CCDC27: variants seen among roughly 807,000 people sequenced by gnomAD.
The protein encoded by CCDC27 is coiled-coil domain-containing protein 27.
Under a neutral mutation model 80.3 loss-of-function variants are expected in CCDC27, and 80 were observed. The observed-to-expected ratio is 1.00, with a 90% CI of 0.83 to 1.20. The LOEUF (loss-of-function observed/expected upper bound fraction) is 1.20. CCDC27 is among the 50% of genes most tolerant of loss of function. The pLI, the probability that CCDC27 is intolerant of heterozygous loss-of-function variation, is 0.00. For missense variants in CCDC27, 815 were observed against 809.4 expected, an observed-to-expected ratio of 1.01 and a Z score of -0.08; for synonymous variants, 342 against 334.3, an observed-to-expected ratio of 1.02 and a Z score of -0.25.
Position 3,761,233 on chromosome 1 carries a change from G to A in CCDC27, c.712-48G>A. The A allele has an allele frequency of 6.3e-7, 1 of 1,599,334 alleles. No individual in the cohort carries two copies. The stretch of plus-strand genomic sequence containing the variant: ...GGGCTGGAGGCAGGTCAGGGGAAGA[G>A]TGTGTGGCTGCATGGCCCACGGGGG... On this transcript the variant is annotated intron_variant, in intron 4 of 11. Transcript: ENST00000294600. The surrounding 1 kb of genome is among the most constrained non-coding windows in gnomAD (Gnocchi z 5.0).
intron 4 of CCDC27, 82 bp downstream of exon 4, chr1:3,756,972 G>C: frequency 6.7e-7 from 1 of 1,485,148 alleles, no homozygotes; most frequent in South Asian, 1.3e-5. Flanking sequence ...CTCCCTGACA[G>C]GCTCTGGTTC....
Position 3,769,987 on chromosome 1 carries a change from C to G in CCDC27, c.1848+100C>G. On this transcript the variant is annotated intron_variant, in intron 11 of 11. Transcript: ENST00000294600. This position sits in a 1 kb window ranked among gnomAD's most constrained non-coding sequence, Gnocchi z 4.6. ...GGGCCTAGATTCCAGGGACTCTGTT[C>G]TCATCCTACCTGTGTCACCTATTCA... 1 of 819,300 alleles carries G rather than the reference C, an allele frequency of 1.2e-6. No homozygotes were observed. Among genetic ancestry groups the G allele is most frequent in the South Asian group, 1.4e-5 (1 of 72,410 alleles). 50.8% of individuals were successfully genotyped at this position (819,300 alleles called of 1,614,324 possible).
Position 3,762,688 on chromosome 1 carries a change from G to C in CCDC27, c.930G>C (p.Glu310Asp). The C allele has an allele frequency of 3.9e-6, 6 of 1,549,524 alleles. No homozygotes were observed. Among genetic ancestry groups the C allele is most frequent in the Non-Finnish European group, 5.2e-6 (6 of 1,146,710 alleles). The change falls in exon 6 of 12, where the codon GAG becomes GAC. Residue 310 changes from glutamate (E) to aspartate (D), a missense_variant. Glu to Asp is a conservative substitution (Grantham distance 45). Coordinates refer to ENST00000294600, the MANE Select transcript of CCDC27 (RefSeq NM_152492.3). ...TCCTGAAGGCCTTCTCCAGACATGA[G>C]GAGGAGCTGCAGCACTGGTGGCAGG... ...LSLLKAFSRH[E>D]EELQHWWQMQ...
At chr1:3,765,065 G>A (rs1454039578) in intron 8 of CCDC27, among the ~76,000 whole-genome samples, 2 of 151,464 alleles carry the variant, frequency 1.3e-5, no homozygotes, top group African/African-American at 4.9e-5. Context: ...ATGAACAGGG[G>A]TAAAGTTTTG....
At chr1:3,765,627 C>T (rs1643209683) in intron 8 of CCDC27, among the ~76,000 whole-genome samples, 1 of 152,124 alleles carries the variant, frequency 6.6e-6, no homozygotes, top group Non-Finnish European at 1.5e-5. Context: ...TCTTGTTTGG[C>T]TTCACAATTG....
At chr1:3,755,212 CG>C (rs1312089870) in intron 2 of CCDC27, among the ~76,000 whole-genome samples, 1 of 152,108 alleles carries the variant, frequency 6.6e-6, no homozygotes, top group East Asian at 1.9e-4. Context: ...TCTGCCCCTC[CG>C]GGGGAAAGGG....
chr1:3,762,426 C>A (rs1299602381), intron 5 of CCDC27, among the ~76,000 whole-genome samples, 194 bp from the exon 6 acceptor site: 1 of 152,138 alleles, frequency 6.6e-6, no homozygotes, highest in Non-Finnish European at 1.5e-5. Context: ...CCACTGCCCC[C>A]CAGAACTGCC....
At position 3,768,441 on chromosome 1, in the gene CCDC27, T is replaced by C. The variant is rs1643285531; in HGVS notation, c.1743+996T>C. 1.3e-5 allele frequency among the ~76,000 whole-genome samples: 2 copies of C among 152,118 alleles called. No individual in the cohort carries two copies. Among genetic ancestry groups the C allele is most frequent in the South Asian group, 4.1e-4 (2 of 4,824 alleles). ...CAAAATTAAGCAAAGGTCAAGGTCA[T>C]GTATGGAGGCTTTTGAAGTCAGGTT... On this transcript the variant is annotated intron_variant, in intron 10 of 11. Transcript: ENST00000294600. The surrounding 1 kb of genome is among the most constrained non-coding windows in gnomAD (Gnocchi z 5.6).
chr1:3,767,242 G>C lies in CCDC27; in HGVS notation c.1540G>C (p.Glu514Gln), dbSNP rs756481704. The part of the protein sequence containing the change: ...DNQLLRQQVS[E>Q]LERKLTKRDC... ...CCCCGGCTGTCCCCAGCAAGTGTCG[G>C]AACTGGAGAGAAAGCTCACCAAGCG... is the stretch of plus-strand genomic sequence containing the variant. The change falls in exon 10 of 12, where the codon GAA (glutamate) becomes CAA (glutamine). Residue 514 changes from glutamate (E) to glutamine (Q), a missense_variant. Transcript: ENST00000294600. 65 of 1,613,820 alleles carry C rather than the reference G, an allele frequency of 4.0e-5. No homozygotes were observed. The highest frequency in any genetic ancestry group is 5.3e-5 in the Non-Finnish European group (62 of 1,180,006).
rs906381138 is a variant in CCDC27 at position 3,761,002 on chromosome 1, C to G, written c.712-279C>G. ...GGGCCAGGTCCGAAAGGGAAGCTGC[C>G]TTGCAACTCCTCGGACGAGGATTTA... On this transcript the variant is annotated intron_variant, in intron 4 of 11. Coordinates refer to ENST00000294600, the MANE Select transcript of CCDC27 (RefSeq NM_152492.3). The surrounding 1 kb of genome is among the most constrained non-coding windows in gnomAD (Gnocchi z 5.0). 3.9e-5 allele frequency among the ~76,000 whole-genome samples: 6 copies of G among 152,176 alleles called. No individual in the cohort carries two copies. The highest frequency in any genetic ancestry group is 3.9e-4 in the Admixed American group (6 of 15,274).
intron 8 of CCDC27, among the ~76,000 whole-genome samples, chr1:3,764,064 T>C (rs936262541): frequency 1.3e-5 from 2 of 152,172 alleles, no homozygotes; most frequent in Non-Finnish European, 2.9e-5. Flanking sequence ...AGCTCTGCCC[T>C]GTCCCTGGGC....
Position 3,763,843 on chromosome 1 carries a change from G to T in CCDC27, c.1452+7G>T. Reference sequence around the variant, plus strand: ...ACAAGCCATGACCGACAAGGTGGCCGTGCGCTCAGTACCGGCCTCCGCTCC... The same window carrying T: ...ACAAGCCATGACCGACAAGGTGGCCTTGCGCTCAGTACCGGCCTCCGCTCC... On this transcript the variant is annotated splice_region_variant and intron_variant, in intron 8 of 11. Coordinates refer to ENST00000294600, the MANE Select transcript of CCDC27 (RefSeq NM_152492.3). This position sits in a 1 kb window ranked among gnomAD's most constrained non-coding sequence, Gnocchi z 7.5. The T allele has an allele frequency of 1.2e-6, 2 of 1,613,704 alleles. No individual in the cohort carries two copies. The highest frequency in any genetic ancestry group is 1.7e-6 in the Non-Finnish European group (2 of 1,179,822).
Position 3,756,760 on chromosome 1 carries a change from T to C in CCDC27, c.581T>C (p.Ile194Thr). 6.2e-7 allele frequency: 1 copy of C among 1,614,092 alleles called. No individual in the cohort carries two copies. The highest frequency in any genetic ancestry group is 1.1e-5 in the South Asian group (1 of 91,082). The change falls in exon 4 of 12, where the codon ATC becomes ACC. Residue 194 changes from isoleucine to threonine, a missense_variant. Transcript: ENST00000294600. ...DGYLLPFSKSICEFDYLRKRR... is the reference protein window; with the variant it reads ...DGYLLPFSKSTCEFDYLRKRR... Reference sequence around the variant, plus strand: ...TACCTCCTTCCCTTCAGTAAGAGCATCTGCGAGTTCGATTACTTGCGGAAG... The same window carrying C: ...TACCTCCTTCCCTTCAGTAAGAGCACCTGCGAGTTCGATTACTTGCGGAAG...
rs10797412 is a variant in CCDC27 at position 3,768,375 on chromosome 1, G to A, written c.1743+930G>A. On this transcript the variant is annotated intron_variant, in intron 10 of 11. Coordinates refer to ENST00000294600, the MANE Select transcript of CCDC27 (RefSeq NM_152492.3). This position sits in a 1 kb window ranked among gnomAD's most constrained non-coding sequence, Gnocchi z 5.6. ...GCCTCCCGAAGTGTTGGGAATACAG[G>A]TGTGAGCTACCGTGCCTGGCCCTGA... Among the ~76,000 whole-genome samples, 11,550 of 152,202 alleles carry A rather than the reference G, an allele frequency of 0.076. 1,333 individuals carry two copies. Among genetic ancestry groups the A allele is most frequent in the East Asian group, 0.56 (2,864 of 5,138 alleles).
At position 3,763,580 on chromosome 1, in the gene CCDC27, G is replaced by A. The variant is rs1220679053; in HGVS notation, c.1321+106G>A. On this transcript the variant is annotated intron_variant, in intron 7 of 11. Coordinates refer to ENST00000294600, the MANE Select transcript of CCDC27 (RefSeq NM_152492.3). This position sits in a 1 kb window ranked among gnomAD's most constrained non-coding sequence, Gnocchi z 7.5. ...GCTCTGGTCAGTGAGCTGGAGCAGG[G>A]GCAGGTGTCGGCAGCCTCACCCAGG... 3 of 1,551,470 alleles carry A rather than the reference G, an allele frequency of 1.9e-6. No homozygotes were observed. The highest frequency in any genetic ancestry group is 2.6e-6 in the Non-Finnish European group (3 of 1,143,378).
chr1:3,771,492 C>G lies in CCDC27; in HGVS notation c.1940C>G (p.Thr647Ser). The G allele has an allele frequency of 6.2e-7, 1 of 1,613,928 alleles. No homozygotes were observed. Among genetic ancestry groups the G allele is most frequent in the East Asian group, 2.2e-5 (1 of 44,880 alleles). The stretch of plus-strand genomic sequence containing the variant: ...CTGCAACAGTCAGAGGCCTTCCTGA[C>G]CAGCAAATCCAAGAAGGGGACCTCC... ...PPLQQSEAFLTSKSKKGTSK is the reference protein window; with the variant it reads ...PPLQQSEAFLSSKSKKGTSK The change falls in exon 12 of 12, where the codon ACC becomes AGC. Residue 647 changes from threonine to serine, a missense_variant. Physicochemically the swap from Thr to Ser is moderately conservative, Grantham distance 58 (BLOSUM62 1). Coordinates refer to ENST00000294600, the MANE Select transcript of CCDC27 (RefSeq NM_152492.3).
intron 11 of CCDC27, among the ~76,000 whole-genome samples, chr1:3,770,504 G>T (rs1015402063): frequency 6.6e-6 from 1 of 152,244 alleles, no homozygotes; most frequent in Non-Finnish European, 1.5e-5. Flanking sequence ...ATGCTCACCT[G>T]CAAGGTGTCG....
intron 8 of CCDC27, among the ~76,000 whole-genome samples, chr1:3,764,213 G>A (rs977774823): frequency 9.2e-5 from 14 of 152,160 alleles, no homozygotes; most frequent in African/African-American, 2.9e-4. Flanking sequence ...CACTCTTGTC[G>A]TTTTTGTTAA....
At chr1:3,759,171 C>T (rs943198668) in intron 4 of CCDC27, among the ~76,000 whole-genome samples, 2 of 151,426 alleles carry the variant, frequency 1.3e-5, no homozygotes, top group African/African-American at 4.9e-5. Context: ...GAGCTGAGAT[C>T]GAGCCACTGC....
Sources: allele counts gnomAD v4.1 joint callset (sites outside exome capture counted in the v4.1 genomes callset), GRCh38; gene constraint gnomAD v4.1.1; non-coding constraint Gnocchi (gnomAD v3.1); transcripts MANE v1.5; gene names NCBI Gene and HGNC (gene_info 2026-07-23, HGNC 2026-07-21).